KCNJ5: variants seen among roughly 807,000 people sequenced by gnomAD.
The protein encoded by KCNJ5 is G protein-activated inward rectifier potassium channel 4.
In KCNJ5, 12 loss-of-function variants were observed where a neutral mutation model predicts 20.2. The observed-to-expected ratio is 0.59, with a 90% CI of 0.38 to 0.96. The LOEUF (loss-of-function observed/expected upper bound fraction) is 0.96, where lower values mean the gene tolerates loss of function less well. Ranked by LOEUF, KCNJ5 falls within the 40% of genes least tolerant of loss-of-function variation. KCNJ5 has a pLI of 0.00. For synonymous variants in KCNJ5, 210 were observed against 213.9 expected, an observed-to-expected ratio of 0.98 and a Z score of 0.16; for missense variants, 449 against 557.6, an observed-to-expected ratio of 0.81 and a Z score of 1.96.
intron 2 of KCNJ5, among the ~76,000 whole-genome samples, chr11:128,915,998 ATGGATGGATG>A: frequency 6.6e-6 from 1 of 150,796 alleles, no homozygotes; most frequent in South Asian, 2.1e-4. Flanking sequence ...GGATGGATGG[ATGGATGGATG>A]GATGATTGGA....
intron 1 of KCNJ5, among the ~76,000 whole-genome samples, chr11:128,893,800 T>TC (rs1944130773): frequency 6.6e-6 from 1 of 152,206 alleles, no homozygotes; most frequent in Admixed American, 6.5e-5. Flanking sequence ...TTAGTGGGGT[T>TC]CCCCACCATG....
At position 128,911,420 on chromosome 11, in the gene KCNJ5, A is replaced by G. The variant is rs1197675827; in HGVS notation, c.147A>G (p.Pro49=). The stretch of plus-strand genomic sequence containing the variant: ...GCCTGCTGGCCGAGGGCAAGAAGCC[A>G]CGCCAGCGCTACATGGAGAAGAGTG... ...RTRLLAEGKK[P]RQRYMEKSGK... Residue 49 remains proline, a synonymous_variant, in exon 2 of 3, where the codon CCA becomes CCG. Transcript: ENST00000529694. The surrounding 1 kb of genome is among the most constrained non-coding windows in gnomAD (Gnocchi z 6.3). 6.2e-7 allele frequency: 1 copy of G among 1,614,112 alleles called. No homozygotes were observed. Among genetic ancestry groups the G allele is most frequent in the East Asian group, 2.2e-5 (1 of 44,900 alleles).
chr11:128,908,127 G>A (rs990265749), intron 1 of KCNJ5, among the ~76,000 whole-genome samples: 4 of 152,178 alleles, frequency 2.6e-5, no homozygotes, highest in African/African-American at 9.7e-5. Context: ...ATTGCCCACT[G>A]GGCCTTTAGC....
chr11:128,903,237 A>G, intron 1 of KCNJ5: 1 of 1,124,656 alleles, frequency 8.9e-7, no homozygotes, highest in Non-Finnish European at 1.2e-6. Flanking sequence ...CTCTACATCA[A>G]AATATGAAAA....
At chr11:128,897,905 T>C (rs950812156) in intron 1 of KCNJ5, among the ~76,000 whole-genome samples, 6 of 152,274 alleles carry the variant, frequency 3.9e-5, no homozygotes, top group African/African-American at 1.2e-4. Flanking sequence ...GTAAAGGCTG[T>C]CTTTCCTCCA....
rs146970049 is a variant in KCNJ5 at position 128,911,792 on chromosome 11, C to T, written c.519C>T (p.Ile173=). The T allele has an allele frequency of 6.2e-7, 1 of 1,614,248 alleles. No individual in the cohort carries two copies. The highest frequency in any genetic ancestry group is 8.5e-7 in the Non-Finnish European group (1 of 1,180,048). ...TTATACTCCTCTTGGTCCAGGCCATCCTGGGCTCCATCGTCAATGCCTTCA... is the reference window on the plus strand; with the variant it reads ...TTATACTCCTCTTGGTCCAGGCCATTCTGGGCTCCATCGTCAATGCCTTCA... ...EGIILLLVQA[I]LGSIVNAFMV... is the part of the protein sequence containing the mutation. Residue 173 remains isoleucine (I), a synonymous_variant, in exon 2 of 3, where the codon ATC becomes ATT. Transcript: ENST00000529694. This position sits in a 1 kb window ranked among gnomAD's most constrained non-coding sequence, Gnocchi z 6.3.
Position 128,917,300 on chromosome 11 carries a change from G to A in KCNJ5, c.*569G>A, listed in dbSNP as rs532231123. 6 of 153,726 alleles carry A rather than the reference G, an allele frequency of 3.9e-5. No individual in the cohort carries two copies. The highest frequency in any genetic ancestry group is 1.4e-4 in the African/African-American group (6 of 41,614). 9.5% of individuals were successfully genotyped at this position (153,726 alleles called of 1,614,324 possible). A position where few individuals can be genotyped will look rare whatever the true frequency, so the allele number is the denominator to read the frequency against. On this transcript the variant is annotated 3_prime_UTR_variant, in exon 3 of 3. Coordinates refer to ENST00000529694, the MANE Select transcript of KCNJ5 (RefSeq NM_000890.5). ...AGAGGTACAGAGCGTACAGCCCTTG[G>A]TGTTCTCTGCTGTTATCTGCCAAAT...
At position 128,919,686 on chromosome 11, in the gene KCNJ5, G is replaced by C. The variant is rs1944640902; in HGVS notation, c.*2955G>C. 1 of 152,386 alleles carries C rather than the reference G, an allele frequency of 6.6e-6. No individual in the cohort carries two copies. Among genetic ancestry groups the C allele is most frequent in the African/African-American group, 2.4e-5 (1 of 41,580 alleles). 9.4% of individuals were successfully genotyped at this position (152,386 alleles called of 1,614,324 possible). On this transcript the variant is annotated 3_prime_UTR_variant, in exon 3 of 3. Transcript: ENST00000529694. ...CATTTAATTAATTTATTTATGTAGAGACAGGGTCTCGCTCTGTCGCCCAGG... is the reference window on the plus strand; with the variant it reads ...CATTTAATTAATTTATTTATGTAGACACAGGGTCTCGCTCTGTCGCCCAGG...
Position 128,920,420 on chromosome 11 carries a change from C to T in KCNJ5, c.*3689C>T, listed in dbSNP as rs1944649463. On this transcript the variant is annotated 3_prime_UTR_variant, in exon 3 of 3. Coordinates refer to ENST00000529694, the MANE Select transcript of KCNJ5 (RefSeq NM_000890.5). ...GTAACAGTGGGGCGCTTTTTCACAC[C>T]CCTTATCTCACGGCTTGCTTCCAGC... 1 of 152,270 alleles carries T rather than the reference C, an allele frequency of 6.6e-6. No individual in the cohort carries two copies. The highest frequency in any genetic ancestry group is 2.4e-5 in the African/African-American group (1 of 41,434). The allele number at this position is 152,270 out of a possible 1,614,324, so 9.4% of individuals were successfully genotyped here.
intron 1 of KCNJ5, chr11:128,902,796 A>G: frequency 6.2e-6 from 9 of 1,440,728 alleles, no homozygotes; most frequent in Non-Finnish European, 7.5e-6. Context: ...CTAACTCACA[A>G]CGCAGCCCAA....
intron 1 of KCNJ5, among the ~76,000 whole-genome samples, chr11:128,908,306 C>A (rs1363307112): frequency 1.3e-5 from 2 of 152,142 alleles, no homozygotes; most frequent in Admixed American, 1.3e-4. Flanking sequence ...AATTGGCTCC[C>A]AGGGCTGGAG....
chr11:128,894,699 CAG>C (rs1178634556), intron 1 of KCNJ5, among the ~76,000 whole-genome samples: 1 of 152,220 alleles, frequency 6.6e-6, no homozygotes, highest in Non-Finnish European at 1.5e-5. Context: ...TGTTTTAAAA[CAG>C]AGTGGACAGC....
At chr11:128,916,244 A>ATGGATG (rs1565554461) in intron 2 of KCNJ5, among the ~76,000 whole-genome samples, 165 bp from the exon 3 acceptor site, 106 of 129,288 alleles carry the variant, frequency 8.2e-4, no homozygotes, top group African/African-American at 3.1e-3. Context: ...ATAGATGATT[A>ATGGATG]GATGGATGGA....
intron 1 of KCNJ5, among the ~76,000 whole-genome samples, chr11:128,903,116 C>T (rs2135989752): frequency 6.6e-6 from 1 of 152,284 alleles, no homozygotes; most frequent in Middle Eastern, 3.4e-3. Flanking sequence ...CCACAGTCCC[C>T]ACCACCCCCT....
chr11:128,892,507 C>T (rs1944110653), intron 1 of KCNJ5, among the ~76,000 whole-genome samples: 1 of 152,208 alleles, frequency 6.6e-6, no homozygotes, highest in Admixed American at 6.5e-5. Context: ...CAACACCAGC[C>T]CAAAACCTGT....
intron 1 of KCNJ5, among the ~76,000 whole-genome samples, chr11:128,897,199 G>A (rs1442388233): frequency 1.3e-5 from 2 of 148,862 alleles, no homozygotes; most frequent in Non-Finnish European, 3.0e-5. Flanking sequence ...CTGAGTTCAA[G>A]TGATTCTCCG....
intron 1 of KCNJ5, among the ~76,000 whole-genome samples, chr11:128,909,255 C>T (rs551477247): frequency 6.6e-6 from 1 of 152,292 alleles, no homozygotes; most frequent in African/African-American, 2.4e-5. Context: ...AGGCCTTTTT[C>T]CAGGTTGTTC....
intron 1 of KCNJ5, chr11:128,909,815 G>C (rs947680791): frequency 6.6e-6 from 1 of 152,222 alleles, no homozygotes; most frequent in Non-Finnish European, 1.5e-5. Flanking sequence ...GAGGAAGAAG[G>C]GTTGAAAGAT....
At chr11:128,908,379 T>C (rs1487731093) in intron 1 of KCNJ5, among the ~76,000 whole-genome samples, 1 of 152,208 alleles carries the variant, frequency 6.6e-6, no homozygotes, top group Non-Finnish European at 1.5e-5. Context: ...GTTAAGTTTG[T>C]TTGTATTTGG....
Sources: allele counts gnomAD v4.1 joint callset (sites outside exome capture counted in the v4.1 genomes callset), GRCh38; gene constraint gnomAD v4.1.1; non-coding constraint Gnocchi (gnomAD v3.1); transcripts MANE v1.5; gene names NCBI Gene and HGNC (gene_info 2026-07-23, HGNC 2026-07-21).